Variants in CALD1 observed in about 807,000 individuals in gnomAD.
CALD1 encodes the protein caldesmon.
Under a neutral mutation model 99.9 loss-of-function variants are expected in CALD1, and 33 were observed. The ratio of observed to expected loss-of-function variants is 0.33; its 90% CI spans 0.25 to 0.44. CALD1 has a LOEUF of 0.44. CALD1 is among the 20% of genes least tolerant of loss of function. The pLI is 1.00. For missense variants in CALD1, 861 were observed against 962.1 expected (o/e 0.89, Z 1.39); for synonymous variants, 310 against 325.0 (o/e 0.95, Z 0.50).
intron 3 of CALD1, among the ~76,000 whole-genome samples, chr7:134,917,119 AAT>A (rs1426662926): frequency 6.6e-6 from 1 of 152,202 alleles, no homozygotes; most frequent in Non-Finnish European, 1.5e-5. Context: ...GAGCTGGAAA[AAT>A]ATAGTGCTGC....
chr7:134,784,973 T>G (rs1389709631), intron 1 of CALD1, among the ~76,000 whole-genome samples: 3 of 152,094 alleles, frequency 2.0e-5, no homozygotes, highest in Admixed American at 2.0e-4. Context: ...GGCAAATCCT[T>G]TAGTAGGAGG....
chr7:134,786,166 C>T (rs1797297209), intron 1 of CALD1, among the ~76,000 whole-genome samples: 1 of 152,058 alleles, frequency 6.6e-6, no homozygotes, highest in Non-Finnish European at 1.5e-5. Flanking sequence ...CCCTGGGAGG[C>T]CACAAAGTCA....
At chr7:134,892,609 A>G (rs760085222) in intron 3 of CALD1, among the ~76,000 whole-genome samples, 1 of 152,224 alleles carries the variant, frequency 6.6e-6, no homozygotes, top group Non-Finnish European at 1.5e-5. Context: ...ACCCATGTCC[A>G]TTACATTAGC....
the CALD1 span, among the ~76,000 whole-genome samples, chr7:134,716,852 C>T: frequency 6.6e-6 from 1 of 152,136 alleles, no homozygotes; most frequent in Non-Finnish European, 1.5e-5. Context: ...ACCTTTTTCA[C>T]ACCAAAGACC....
At chr7:134,823,197 A>G (rs1372770085) in intron 1 of CALD1, among the ~76,000 whole-genome samples, 2 of 152,200 alleles carry the variant, frequency 1.3e-5, no homozygotes, top group African/African-American at 4.8e-5. Flanking sequence ...AAGCCAAACA[A>G]GTAGCTAAGG....
intron 12 of CALD1, 91 bp downstream of exon 12, chr7:134,960,202 A>G: frequency 1.4e-6 from 2 of 1,419,636 alleles, no homozygotes; most frequent in Non-Finnish European, 2.0e-6. Flanking sequence ...TAAATAATAA[A>G]AGCAGTGAAG....
intron 3 of CALD1, among the ~76,000 whole-genome samples, chr7:134,897,545 C>T (rs144810031): frequency 5.9e-4 from 89 of 151,990 alleles, no homozygotes; most frequent in African/African-American, 1.8e-3. Flanking sequence ...GGTCACAAAC[C>T]GAAGTTTGAA....
At position 134,968,613 on chromosome 7, in the gene CALD1, ACT is replaced by A; in HGVS notation, c.*271_*272del. On this transcript the variant is annotated 3_prime_UTR_variant, in exon 15 of 15. Coordinates refer to ENST00000361675, the MANE Select transcript of CALD1 (RefSeq NM_033138.4). ...AGAGACTTTTCTACTGATCATCATA[ACT>A]CTGTATCTGAGCAGTGATACCAACC... is the stretch of plus-strand genomic sequence containing the variant. 1 of 668,620 alleles carries A rather than the reference ACT, an allele frequency of 1.5e-6. No individual in the cohort carries two copies. The highest frequency in any genetic ancestry group is 2.8e-6 in the Non-Finnish European group (1 of 363,388). 41.4% of individuals were successfully genotyped at this position (668,620 alleles called of 1,614,324 possible).
intron 14 of CALD1, 197 bp downstream of exon 14, chr7:134,965,583 G>A (rs1172991715): frequency 1.4e-5 from 7 of 492,770 alleles, no homozygotes; most frequent in South Asian, 5.0e-5. Context: ...CAACATAAAC[G>A]GCCCAAATCC....
At chr7:134,824,816 AG>A (rs1383127813) in intron 1 of CALD1, among the ~76,000 whole-genome samples, 6 of 152,196 alleles carry the variant, frequency 3.9e-5, no homozygotes, top group African/African-American at 1.4e-4. Context: ...AAGGGTTAAA[AG>A]AATATTTGAC....
At chr7:134,846,195 G>A (rs1799844857) in intron 2 of CALD1, among the ~76,000 whole-genome samples, 1 of 152,156 alleles carries the variant, frequency 6.6e-6, no homozygotes, top group African/African-American at 2.4e-5. Context: ...TCGTTTTCAG[G>A]GTCAGGTGGC....
At chr7:134,792,480 C>T (rs1359882847) in intron 1 of CALD1, among the ~76,000 whole-genome samples, 4 of 151,736 alleles carry the variant, frequency 2.6e-5, no homozygotes, top group Admixed American at 1.3e-4. Context: ...TTAGTAGAGA[C>T]AAGGTTTTGC....
In CALD1 at chr7:134,933,416, C is replaced by G. The variant is rs1225140029; in HGVS notation, c.647C>G (p.Thr216Arg). 1 of 1,613,134 alleles carries G rather than the reference C, an allele frequency of 6.2e-7. No individual in the cohort carries two copies. Among genetic ancestry groups the G allele is most frequent in the East Asian group, 2.2e-5 (1 of 44,816 alleles). The change falls in exon 5 of 15, where the codon ACA becomes AGA. Residue 216 changes from threonine (T) to arginine (R), a missense_variant. By Grantham distance (71) the Thr-to-Arg change is moderately conservative. Around this residue, in one of 5 missense-constraint regions of CALD1, gnomAD observed 234 missense variants for 233.1 expected, o/e 1.00. Transcript: ENST00000361675. ...GTAGAGGTGATGGTGGAAGAGAAAACAACTGAAAGCCAGGAGGAAACAGTG... is the reference window on the plus strand; with the variant it reads ...GTAGAGGTGATGGTGGAAGAGAAAAGAACTGAAAGCCAGGAGGAAACAGTG... ...NQVEVMVEEK[T>R]TESQEETVVM...
chr7:134,847,978 C>G (rs760629941), intron 2 of CALD1, among the ~76,000 whole-genome samples: 1 of 152,144 alleles, frequency 6.6e-6, no homozygotes, highest in African/African-American at 2.4e-5. Flanking sequence ...TTACAGGACA[C>G]AGACTCAATT....
intron 1 of CALD1, among the ~76,000 whole-genome samples, chr7:134,812,914 T>C (rs1331915888): frequency 6.6e-6 from 1 of 152,048 alleles, no homozygotes. Context: ...CCCAGGATAA[T>C]TTTTAGGGTC....
chr7:134,849,917 C>T (rs1800007948), intron 2 of CALD1, among the ~76,000 whole-genome samples: 1 of 152,184 alleles, frequency 6.6e-6, no homozygotes, highest in East Asian at 1.9e-4. Flanking sequence ...TCAGGTCCCA[C>T]AAAACCTGGA....
Position 134,933,237 on chromosome 7 carries a change from C to T in CALD1, c.468C>T (p.Arg156=), listed in dbSNP as rs1324613631. 6 of 1,600,514 alleles carry T rather than the reference C, an allele frequency of 3.7e-6. No individual in the cohort carries two copies. The South Asian group carries it at 5.6e-5, about 15-fold the overall frequency. ...AGAAGGAAGAAAAAAGTGAAAGTCGCCAAGAAAGATACGAGATAGAGGAAA... is the reference window on the plus strand; with the variant it reads ...AGAAGGAAGAAAAAAGTGAAAGTCGTCAAGAAAGATACGAGATAGAGGAAA... The part of the protein sequence containing the change: ...TTEKEEKSES[R]QERYEIEETE... The change falls in exon 5 of 15, where the codon CGC becomes CGT. Residue 156 remains arginine, a synonymous_variant. Transcript: ENST00000361675.
chr7:134,868,901 G>A (rs1008003053), intron 3 of CALD1, among the ~76,000 whole-genome samples: 2 of 152,092 alleles, frequency 1.3e-5, no homozygotes, highest in African/African-American at 4.8e-5. Flanking sequence ...TATAAAACAG[G>A]CATAATATCT....
At chr7:134,953,234 G>A (rs1353188543) in intron 9 of CALD1, among the ~76,000 whole-genome samples, 2 of 152,062 alleles carry the variant, frequency 1.3e-5, no homozygotes, top group Non-Finnish European at 1.5e-5. Flanking sequence ...ATGCCAGCAC[G>A]TTGGGAGGCT....
Sources: gnomAD v4.1 joint callset for allele counts (sites outside exome capture counted in the v4.1 genomes callset) on GRCh38, gnomAD v4.1.1 for gene constraint, gnomAD v4.1.1 regional missense constraint, MANE v1.5 for transcripts, NCBI Gene and HGNC (gene_info 2026-07-23, HGNC 2026-07-21) for gene names.